The following BIRC6 variants were observed in gnomAD, a reference collection of about 807,000 sequenced individuals.
The protein encoded by BIRC6 is baculoviral IAP repeat containing 6, also known as dual E2 ubiquitin-conjugating enzyme/E3 ubiquitin-protein ligase BIRC6.
BIRC6 carries 98 observed loss-of-function variants against 503.3 expected under a neutral mutation model. That is an observed-to-expected ratio of 0.19 (90% CI 0.17 to 0.23). The LOEUF is 0.23. Among genes scored for constraint, BIRC6 ranks in the 10% least tolerant of loss-of-function variants. The pLI is 1.00. For missense variants in BIRC6, 5,360 were observed against 5,806.0 expected (o/e 0.92, Z 2.50); for synonymous variants, 2,240 against 2,078.7 (o/e 1.08, Z -2.11).
chr2:32,467,920 T>A lies in BIRC6; in HGVS notation c.5589T>A (p.Arg1863=), dbSNP rs1227362163. The change falls in exon 28 of 74, where the codon CGT becomes CGA. Residue 1863 remains arginine (R), a synonymous_variant. Coordinates refer to ENST00000421745, the MANE Select transcript of BIRC6 (RefSeq NM_016252.4). ...CATTTCAGATCACTGTTATTGGACG[T>A]TACGGGAGTACAAATGCCAGAGCCA... The part of the protein sequence containing the change: ...CRFMKITVIG[R]YGSTNARAKI... 1 of 1,613,112 alleles carries A rather than the reference T, an allele frequency of 6.2e-7. No homozygotes were observed. Among genetic ancestry groups the A allele is most frequent in the Non-Finnish European group, 8.5e-7 (1 of 1,179,428 alleles).
At chr2:32,419,392 G>A (rs1228912298) in intron 10 of BIRC6, among the ~76,000 whole-genome samples, 1 of 152,012 alleles carries the variant, frequency 6.6e-6, no homozygotes, top group Non-Finnish European at 1.5e-5. Context: ...GATTTGTTAA[G>A]CTATCTTTGA....
In BIRC6 at chr2:32,414,967, A is replaced by C. The variant is rs745583524; in HGVS notation, c.1676A>C (p.Gln559Pro). 16 of 1,614,024 alleles carry C rather than the reference A, an allele frequency of 9.9e-6. No homozygotes were observed. In the South Asian group the frequency reaches 1.8e-4, roughly 18 times the overall value. Reference sequence around the variant, plus strand: ...AAGACAAAGGAAAAGCACCAGGAGCAACACAACATTCCTTTTCCATGTTTA... The same window carrying C: ...AAGACAAAGGAAAAGCACCAGGAGCCACACAACATTCCTTTTCCATGTTTA... ...SEKTKEKHQEQHNIPFPCLLA... is the reference protein window; with the variant it reads ...SEKTKEKHQEPHNIPFPCLLA... The change falls in exon 10 of 74, where the codon CAA becomes CCA. Residue 559 changes from glutamine to proline, a missense_variant. Around this residue, in one of 16 missense-constraint regions of BIRC6, gnomAD observed 700 missense variants for 739.3 expected, o/e 0.95. Transcript: ENST00000421745.
chr2:32,434,713 A>AGT (rs947522645), intron 13 of BIRC6, among the ~76,000 whole-genome samples: 1 of 151,972 alleles, frequency 6.6e-6, no homozygotes, highest in African/African-American at 2.4e-5. Context: ...AGCTGGGTGT[A>AGT]GTGGTGCACA....
Position 32,543,552 on chromosome 2 carries a change from A to C in BIRC6, c.12592+11A>C, listed in dbSNP as rs200668463. 14 of 1,609,584 alleles carry C rather than the reference A, an allele frequency of 8.7e-6. No homozygotes were observed. The East Asian group carries it at 3.1e-4, about 36-fold the overall frequency. On this transcript the variant is annotated intron_variant, in intron 62 of 73. Transcript: ENST00000421745. Reference sequence around the variant, plus strand: ...ATGATGGAGAAGGAAGTAAGTGTTTAGTATTAAATTTATCAACACATATGT... The same window carrying C: ...ATGATGGAGAAGGAAGTAAGTGTTTCGTATTAAATTTATCAACACATATGT...
chr2:32,611,404 TTGAC>T, intron 72 of BIRC6, 40 bp from the exon 73 acceptor site: 1 of 1,519,374 alleles, frequency 6.6e-7, no homozygotes, highest in Non-Finnish European at 8.9e-7. Context: ...TCTTTTAAAT[TTGAC>T]TGTAAACACT....
chr2:32,541,690 A>G (rs1436959455), intron 61 of BIRC6, among the ~76,000 whole-genome samples: 1 of 152,140 alleles, frequency 6.6e-6, no homozygotes, highest in East Asian at 1.9e-4. Context: ...TGCATTATTC[A>G]TGGTCAAGCA....
In BIRC6 at chr2:32,415,063, T is replaced by C; in HGVS notation, c.1772T>C (p.Leu591Pro). The C allele has an allele frequency of 6.2e-7, 1 of 1,613,936 alleles. No homozygotes were observed. The highest frequency in any genetic ancestry group is 1.6e-4 in the Middle Eastern group (1 of 6,062). Reference protein sequence around the residue: ...SPISSNSHRSLDGLSRTQGES... With the variant: ...SPISSNSHRSPDGLSRTQGES... ...ATTAGTAGTAATTCTCACAGGTCAC[T>C]GGATGGTTTAAGCAGAACTCAGGGT... Residue 591 changes from leucine to proline, a missense_variant, in exon 10 of 74, where the codon CTG becomes CCG. By Grantham distance (98) the Leu-to-Pro change is moderately conservative. Around this residue, in one of 16 missense-constraint regions of BIRC6, gnomAD observed 700 missense variants for 739.3 expected, o/e 0.95. Coordinates refer to ENST00000421745, the MANE Select transcript of BIRC6 (RefSeq NM_016252.4).
chr2:32,423,316 T>C (rs895699153), intron 10 of BIRC6, among the ~76,000 whole-genome samples: 2 of 152,210 alleles, frequency 1.3e-5, no homozygotes, highest in Admixed American at 1.3e-4. Context: ...ATATATATAA[T>C]GAGGTTTACT....
intron 65 of BIRC6, among the ~76,000 whole-genome samples, chr2:32,573,533 T>C (rs189102961): frequency 1.7e-3 from 257 of 152,276 alleles, no homozygotes; most frequent in Non-Finnish European, 2.3e-3. Flanking sequence ...GTAACTGTCA[T>C]TGGAAGAGAG....
At chr2:32,376,272 C>T (rs2036768792) in intron 1 of BIRC6, among the ~76,000 whole-genome samples, 1 of 151,418 alleles carries the variant, frequency 6.6e-6, no homozygotes, top group African/African-American at 2.4e-5. Context: ...GAGAGATGAA[C>T]TGCTCACCTG....
intron 57 of BIRC6, among the ~76,000 whole-genome samples, chr2:32,524,516 C>G (rs2056082652): frequency 6.6e-6 from 1 of 152,156 alleles, no homozygotes; most frequent in Non-Finnish European, 1.5e-5. Flanking sequence ...AAATAACATT[C>G]ATTTCTATGT....
chr2:32,597,451 A>G (rs889560688), intron 68 of BIRC6, among the ~76,000 whole-genome samples: 14 of 152,136 alleles, frequency 9.2e-5, no homozygotes, highest in Non-Finnish European at 1.0e-4. Flanking sequence ...ATGATATAAA[A>G]TTTTCCCACT....
chr2:32,419,164 C>T (rs775720975), intron 10 of BIRC6, among the ~76,000 whole-genome samples: 5 of 151,930 alleles, frequency 3.3e-5, no homozygotes, highest in Admixed American at 6.6e-5. Flanking sequence ...AATAACAAAG[C>T]GGAAAGAAAA....
At chr2:32,439,797 T>C (rs1440716841) in intron 16 of BIRC6, 111 bp downstream of exon 16, 3 of 931,740 alleles carry the variant, frequency 3.2e-6, no homozygotes, top group African/African-American at 1.7e-5. Flanking sequence ...ACTATACGCT[T>C]GGTTTGTTTG....
At chr2:32,474,316 C>CT (rs1244606603) in intron 33 of BIRC6, among the ~76,000 whole-genome samples, 1 of 152,066 alleles carries the variant, frequency 6.6e-6, no homozygotes, top group Non-Finnish European at 1.5e-5. Flanking sequence ...ATTACCTTTT[C>CT]TTTTTGAGAC....
chr2:32,471,581 A>T (rs569708480), intron 32 of BIRC6, among the ~76,000 whole-genome samples: 1 of 152,278 alleles, frequency 6.6e-6, no homozygotes, highest in African/African-American at 2.4e-5. Flanking sequence ...AGCTTTCTTT[A>T]TAGGTTCAAA....
intron 71 of BIRC6, among the ~76,000 whole-genome samples, chr2:32,605,202 T>C (rs1393177630): frequency 6.6e-6 from 1 of 152,120 alleles, no homozygotes; most frequent in Non-Finnish European, 1.5e-5. Context: ...TTTTTTCTGA[T>C]CTTTTCCCTC....
chr2:32,525,878 T>A (rs1186090315), intron 59 of BIRC6, among the ~76,000 whole-genome samples: 1 of 152,180 alleles, frequency 6.6e-6, no homozygotes, highest in East Asian at 1.9e-4. Context: ...TTTCTGTCAG[T>A]GTGCCATGAA....
chr2:32,464,764 A>T lies in BIRC6; in HGVS notation c.5197A>T (p.Ile1733Phe). The change falls in exon 25 of 74, where the codon ATT (isoleucine) becomes TTT (phenylalanine). Residue 1733 changes from isoleucine (I) to phenylalanine (F), a missense_variant. Ile to Phe is a conservative substitution (Grantham distance 21). Around this residue, in one of 16 missense-constraint regions of BIRC6, gnomAD observed 2,299 missense variants for 2,267.2 expected, o/e 1.01. Transcript: ENST00000421745. ...ELAQLFPGSV[I>F]DPPAVNLAAH... ...TGCACAGCTTTTCCCAGGCTCAGTC[A>T]TTGATCCCCCAGCAGTCAATCTTGC... The T allele has an allele frequency of 6.2e-7, 1 of 1,614,020 alleles. No homozygotes were observed.
Sources: gnomAD v4.1 joint callset for allele counts (sites outside exome capture counted in the v4.1 genomes callset) on GRCh38, gnomAD v4.1.1 for gene constraint, gnomAD v4.1.1 regional missense constraint, MANE v1.5 for transcripts, NCBI Gene and HGNC (gene_info 2026-07-23, HGNC 2026-07-21) for gene names.